Variants in SP140L observed in about 807,000 individuals in gnomAD.
The protein encoded by SP140L is SP140 like nuclear body protein.
Under a neutral mutation model 84.3 loss-of-function variants are expected in SP140L, and 64 were observed. The ratio of observed to expected loss-of-function variants is 0.76; its 90% confidence interval spans 0.62 to 0.94. SP140L has a LOEUF of 0.94. SP140L is among the 40% of genes least tolerant of loss of function. SP140L has a pLI of 0.00. For missense variants in SP140L, 628 were observed against 692.5 expected, an observed-to-expected ratio of 0.91 and a Z score of 1.05; for synonymous variants, 242 against 236.9, an observed-to-expected ratio of 1.02 and a Z score of -0.20.
intron 14 of SP140L, among the ~76,000 whole-genome samples, chr2:230,398,578 A>G (rs2062164229): frequency 6.6e-6 from 1 of 152,254 alleles, no homozygotes; most frequent in Admixed American, 6.5e-5. Flanking sequence ...TCTGTGAGAC[A>G]GCCAAAAAAC....
intron 10 of SP140L, among the ~76,000 whole-genome samples, chr2:230,389,345 A>C (rs6753500): frequency 6.6e-6 from 1 of 151,812 alleles, no homozygotes; most frequent in Non-Finnish European, 1.5e-5. Flanking sequence ...ACCCCCTGCT[A>C]GGTACAATTT....
chr2:230,388,717 A>C, intron 10 of SP140L, 84 bp downstream of exon 10: 1 of 1,169,780 alleles, frequency 8.5e-7, no homozygotes, highest in Non-Finnish European at 1.2e-6. Context: ...TAATAAACCT[A>C]TTTCTTTAAT....
At chr2:230,378,568 T>C (rs1220567474) in intron 7 of SP140L, among the ~76,000 whole-genome samples, 3 of 152,224 alleles carry the variant, frequency 2.0e-5, no homozygotes, top group Admixed American at 1.3e-4. Context: ...AACTGTGGTT[T>C]TTCTCTGGAA....
At chr2:230,341,746 C>A (rs1021977325) in intron 2 of SP140L, among the ~76,000 whole-genome samples, 1 of 152,056 alleles carries the variant, frequency 6.6e-6, no homozygotes, top group African/African-American at 2.4e-5. Flanking sequence ...TTGGAGTAAC[C>A]GGCCATGTGA....
chr2:230,343,541 C>G lies in SP140L; in HGVS notation c.108-14264C>G, dbSNP rs1429406013. 6.1e-5 allele frequency among the ~76,000 whole-genome samples: 9 copies of G among 147,442 alleles called. No individual in the cohort carries two copies. In the East Asian group the frequency reaches 8.0e-4, roughly 13 times the overall value. ...CTATTGTGAATAGTGCTGCAATGAG[C>G]ATACATGTGGTTGTATCTTTATAAT... On this transcript the variant is annotated intron_variant, in intron 2 of 18. Transcript: ENST00000415673.
At chr2:230,388,361 T>G (rs1370558205) in intron 9 of SP140L, among the ~76,000 whole-genome samples, 198 bp from the exon 10 acceptor site, 1 of 152,214 alleles carries the variant, frequency 6.6e-6, no homozygotes, top group Non-Finnish European at 1.5e-5. Flanking sequence ...AATGTAAGAA[T>G]AGGAAAATGA....
At chr2:230,382,792 G>A (rs1008885132) in intron 7 of SP140L, among the ~76,000 whole-genome samples, 1 of 152,346 alleles carries the variant, frequency 6.6e-6, no homozygotes, top group East Asian at 1.9e-4. Context: ...TCTGGGGACT[G>A]CTCCCTTCAG....
At chr2:230,363,521 GT>G (rs60055886) in intron 5 of SP140L, among the ~76,000 whole-genome samples, 12 of 146,634 alleles carry the variant, frequency 8.2e-5, no homozygotes, top group Admixed American at 2.0e-4. Context: ...ATTTGTTTTT[GT>G]TTTTTTTTTT....
chr2:230,374,871 A>T (rs1465195788), intron 7 of SP140L, among the ~76,000 whole-genome samples: 1 of 152,216 alleles, frequency 6.6e-6, no homozygotes, highest in Non-Finnish European at 1.5e-5. Context: ...TAATTTTCAT[A>T]TGCACTGGGA....
chr2:230,396,631 C>A, intron 13 of SP140L, 126 bp from the exon 14 acceptor site: 1 of 1,149,132 alleles, frequency 8.7e-7, no homozygotes. Context: ...GCCTTCATCT[C>A]CTCCCAATTA....
At chr2:230,345,459 GGTACTCTAT>G (rs1473363068) in intron 2 of SP140L, among the ~76,000 whole-genome samples, 2 of 152,072 alleles carry the variant, frequency 1.3e-5, no homozygotes, top group African/African-American at 4.8e-5. Context: ...AATCCATTCA[GGTACTCTAT>G]TTCTTTTGAT....
At chr2:230,384,443 C>T (rs2061504605) in intron 8 of SP140L, among the ~76,000 whole-genome samples, 1 of 152,154 alleles carries the variant, frequency 6.6e-6, no homozygotes, top group Non-Finnish European at 1.5e-5. Context: ...AAATGATGCT[C>T]AGTTTTGAAT....
chr2:230,390,053 G>T (rs770123045), intron 11 of SP140L, 30 bp downstream of exon 11: 1 of 1,571,636 alleles, frequency 6.4e-7, no homozygotes, highest in Admixed American at 1.7e-5. Context: ...TTAATTTGCA[G>T]CTCCTATCTG....
intron 2 of SP140L, among the ~76,000 whole-genome samples, chr2:230,353,889 A>G (rs1011792479): frequency 1.3e-5 from 2 of 152,142 alleles, no homozygotes; most frequent in Non-Finnish European, 2.9e-5. Context: ...CTCAATCAGT[A>G]GTTACCTTCA....
chr2:230,401,060 G>C lies in SP140L; in HGVS notation c.1419G>C (p.Gln473His), dbSNP rs1273330659. The change falls in exon 16 of 19, where the codon CAG becomes CAC. Residue 473 changes from glutamine (Q) to histidine (H), a missense_variant. Around this residue, in one of 4 missense-constraint regions of SP140L, gnomAD observed 52 missense variants for 87.0 expected, o/e 0.60. Coordinates refer to ENST00000415673, the MANE Select transcript of SP140L (RefSeq NM_138402.6). ...VLERQMCPEE[Q>H]LKCEFLLLKV... ...AGAGGCAGATGTGTCCTGAGGAACA[G>C]TTGGTAAATCAGATGCAAACCCCAA... is the stretch of plus-strand genomic sequence containing the variant. 7.9e-7 allele frequency: 1 copy of C among 1,272,032 alleles called. No homozygotes were observed. The highest frequency in any genetic ancestry group is 2.2e-5 in the Admixed American group (1 of 44,452). 78.8% of individuals were successfully genotyped at this position (1,272,032 alleles called of 1,614,324 possible).
At chr2:230,342,518 G>A (rs971273291) in intron 2 of SP140L, among the ~76,000 whole-genome samples, 1 of 152,160 alleles carries the variant, frequency 6.6e-6, no homozygotes, top group Non-Finnish European at 1.5e-5. Context: ...GGCTCCCGGA[G>A]CCTGCGTTTT....
At chr2:230,377,624 T>G (rs1252414860) in intron 7 of SP140L, among the ~76,000 whole-genome samples, 1 of 152,184 alleles carries the variant, frequency 6.6e-6, no homozygotes, top group Non-Finnish European at 1.5e-5. Flanking sequence ...ATCTTTGGGT[T>G]GGGCATGTTT....
At chr2:230,363,057 C>A (rs2060768860) in intron 5 of SP140L, among the ~76,000 whole-genome samples, 1 of 152,010 alleles carries the variant, frequency 6.6e-6, no homozygotes, top group Non-Finnish European at 1.5e-5. Flanking sequence ...TTTACAATGG[C>A]TTTATTGAGG....
chr2:230,388,445 A>G (rs950988146), intron 9 of SP140L, 114 bp from the exon 10 acceptor site: 3 of 758,116 alleles, frequency 4.0e-6, no homozygotes, highest in Non-Finnish European at 6.0e-6. Flanking sequence ...CTTTTTATTT[A>G]TATATTAAAC....
Sources: gnomAD v4.1 joint callset for allele counts (sites outside exome capture counted in the v4.1 genomes callset) on GRCh38, gnomAD v4.1.1 for gene constraint, gnomAD v4.1.1 regional missense constraint, MANE v1.5 for transcripts, NCBI Gene and HGNC (gene_info 2026-07-23, HGNC 2026-07-21) for gene names.